Variants in RASGEF1C observed in about 807,000 individuals in gnomAD.
RASGEF1C encodes ras-GEF domain-containing family member 1C.
RASGEF1C carries 27 observed loss-of-function variants against 58.1 expected under a neutral mutation model. The ratio of observed to expected loss-of-function variants is 0.46; its 90% CI spans 0.34 to 0.64. The LOEUF (loss-of-function observed/expected upper bound fraction) is 0.64, where lower values mean the gene tolerates loss of function less well. RASGEF1C is among the 30% of genes least tolerant of loss of function. The pLI is 0.01. For missense variants in RASGEF1C, 502 were observed against 605.1 expected (o/e 0.83, Z 1.79); for synonymous variants, 243 against 246.3 (o/e 0.99, Z 0.13).
chr5:180,173,994 G>T (rs10455080), intron 1 of RASGEF1C, among the ~76,000 whole-genome samples: 5 of 151,666 alleles, frequency 3.3e-5, no homozygotes, highest in African/African-American at 7.3e-5. Flanking sequence ...GGGTTGGGGG[G>T]CCCAGACGTG....
At chr5:180,201,382 C>T (rs1031983605) in intron 1 of RASGEF1C, among the ~76,000 whole-genome samples, 1 of 152,138 alleles carries the variant, frequency 6.6e-6, no homozygotes, top group Non-Finnish European at 1.5e-5. Context: ...CACAAGTCCA[C>T]TCCCGCCTCC....
Position 180,168,130 on chromosome 5 carries a change from CAAAA to C in RASGEF1C, c.-6-30076_-6-30073del, listed in dbSNP as rs1278966450. Among the ~76,000 whole-genome samples, 1 of 151,978 alleles carries C rather than the reference CAAAA, an allele frequency of 6.6e-6. No homozygotes were observed. Among genetic ancestry groups the C allele is most frequent in the Non-Finnish European group, 1.5e-5 (1 of 67,962 alleles). On this transcript the variant is annotated intron_variant, in intron 1 of 13. Coordinates refer to ENST00000361132, the MANE Select transcript of RASGEF1C (RefSeq NM_175062.4). The surrounding 1 kb of genome is among the most constrained non-coding windows in gnomAD (Gnocchi z 6.0). ...TCTCAAAAACAAAACAAAACAAAAA[CAAAA>C]ACAAACAAAAAAAAGGCCAGGCGCA... is the stretch of plus-strand genomic sequence containing the variant.
At chr5:180,141,302 A>G (rs549174155) in intron 1 of RASGEF1C, among the ~76,000 whole-genome samples, 5 of 152,346 alleles carry the variant, frequency 3.3e-5, no homozygotes, top group Admixed American at 2.6e-4. Flanking sequence ...TTAAAAAGAA[A>G]TGAGGCAGCA....
In RASGEF1C at chr5:180,114,414, T is replaced by C. The variant is rs200079200; in HGVS notation, c.1179+32A>G. 2.5e-6 allele frequency: 4 copies of C among 1,600,958 alleles called. No individual in the cohort carries two copies. The East Asian group carries it at 6.7e-5, about 27-fold the overall frequency. ...CCCTGGGAACTTTTCCCGGCCTGTC[T>C]ACCTCAGTGGCGGTCCACACGGAGG... On this transcript the variant is annotated intron_variant, in intron 11 of 13. Transcript: ENST00000361132.
intron 1 of RASGEF1C, among the ~76,000 whole-genome samples, chr5:180,141,923 T>G (rs1035361864): frequency 2.0e-5 from 3 of 152,170 alleles, no homozygotes; most frequent in Non-Finnish European, 4.4e-5. Context: ...TTAGCCAGGA[T>G]GGTCTCGATC....
chr5:180,152,626 A>G (rs543811223), intron 1 of RASGEF1C, among the ~76,000 whole-genome samples: 19 of 150,170 alleles, frequency 1.3e-4, no homozygotes, highest in African/African-American at 3.7e-4. Context: ...TGACGAGTTA[A>G]TGGGTGCAGC....
intron 4 of RASGEF1C, among the ~76,000 whole-genome samples, chr5:180,131,923 A>G (rs1199111799): frequency 6.6e-6 from 1 of 152,148 alleles, no homozygotes; most frequent in Non-Finnish European, 1.5e-5. Flanking sequence ...GTTAGGTTCT[A>G]GCTTGTTTGT....
intron 1 of RASGEF1C, among the ~76,000 whole-genome samples, chr5:180,193,247 G>T (rs1756201457): frequency 7.4e-6 from 1 of 134,254 alleles, no homozygotes; most frequent in African/African-American, 2.6e-5. Flanking sequence ...AGTAGAGACG[G>T]GGTTTCACTG....
At chr5:180,104,279 C>T (rs1340136060) in intron 12 of RASGEF1C, among the ~76,000 whole-genome samples, 1 of 152,138 alleles carries the variant, frequency 6.6e-6, no homozygotes, top group Non-Finnish European at 1.5e-5. Context: ...GCGATTAGGC[C>T]ATGAGGTTCC....
chr5:180,121,099 G>C lies in RASGEF1C; in HGVS notation c.765C>G (p.Phe255Leu). The C allele has an allele frequency of 6.2e-7, 1 of 1,614,118 alleles. No individual in the cohort carries two copies. The highest frequency in any genetic ancestry group is 8.5e-7 in the Non-Finnish European group (1 of 1,179,984). The change falls in exon 7 of 14, where the codon TTC (phenylalanine) becomes TTG (leucine). Residue 255 changes from phenylalanine (F) to leucine (L), a missense_variant. By Grantham distance (22) the Phe-to-Leu change is conservative. Coordinates refer to ENST00000361132, the MANE Select transcript of RASGEF1C (RefSeq NM_175062.4). ...TSNLEAYVKW[F>L]NRLCYLVATE... ...TTGCCACCAGGTAGCACAGCCTGTT[G>C]AACCATTTCACATAAGCCTCCAGGT...
chr5:180,121,210 G>C (rs1485634860), intron 6 of RASGEF1C, 61 bp from the exon 7 acceptor site: 3 of 1,161,258 alleles, frequency 2.6e-6, no homozygotes, highest in Non-Finnish European at 3.9e-6. Context: ...ATCTTTTAGA[G>C]CATGAAGTCA....
chr5:180,149,775 A>T (rs907305744), intron 1 of RASGEF1C, among the ~76,000 whole-genome samples: 48 of 152,052 alleles, frequency 3.2e-4, no homozygotes, highest in African/African-American at 1.1e-3. Context: ...TTATGTGATG[A>T]CTCACTTCTT....
At chr5:180,117,403 G>C (rs1488372332) in intron 10 of RASGEF1C, among the ~76,000 whole-genome samples, 2 of 152,238 alleles carry the variant, frequency 1.3e-5, no homozygotes, top group Non-Finnish European at 2.9e-5. Context: ...TCCAACACCA[G>C]CGATGTGTTC....
chr5:180,118,930 A>AGAGGCC, intron 8 of RASGEF1C, 64 bp from the exon 9 acceptor site: 1 of 1,441,104 alleles, frequency 6.9e-7, no homozygotes, highest in Non-Finnish European at 9.8e-7. Context: ...GCGTAGCTGC[A>AGAGGCC]CCCCCTTGGA....
At chr5:180,176,566 T>C (rs907376798) in intron 1 of RASGEF1C, among the ~76,000 whole-genome samples, 1 of 151,036 alleles carries the variant, frequency 6.6e-6, no homozygotes, top group African/African-American at 2.4e-5. Context: ...CTTTTTTTTT[T>C]TTTTTTTTGA....
chr5:180,117,994 C>CAA (rs3078957), intron 10 of RASGEF1C, among the ~76,000 whole-genome samples: 2,019 of 108,530 alleles, frequency 0.019, 65 homozygotes, highest in African/African-American at 0.067. Flanking sequence ...ACTCCATCTC[C>CAA]AAAAAAAAAA....
At chr5:180,111,624 T>G in intron 11 of RASGEF1C, 44 bp from the exon 12 acceptor site, 12 of 1,612,194 alleles carry the variant, frequency 7.4e-6, no homozygotes, top group Non-Finnish European at 1.0e-5. Context: ...CTCCAGTGCC[T>G]GGAGGTCCCC....
intron 1 of RASGEF1C, among the ~76,000 whole-genome samples, chr5:180,190,364 C>T (rs1756132796): frequency 6.6e-6 from 1 of 151,636 alleles, no homozygotes; most frequent in African/African-American, 2.4e-5. Context: ...GTGGCGGGCG[C>T]CTGTAGTCCC....
At chr5:180,115,142 G>T (rs138375419) in intron 10 of RASGEF1C, 4,340 of 300,840 alleles carry the variant, frequency 0.014, 189 homozygotes, top group African/African-American at 0.088. Context: ...AGCCTCCCGA[G>T]TAGCTGGGAT....
Sources: gnomAD v4.1 joint callset for allele counts (sites outside exome capture counted in the v4.1 genomes callset) on GRCh38, gnomAD v4.1.1 for gene constraint, Gnocchi (gnomAD v3.1) non-coding constraint, MANE v1.5 for transcripts, NCBI Gene and HGNC (gene_info 2026-07-23, HGNC 2026-07-21) for gene names.